Variants in RAPGEF3 observed in about 807,000 individuals in gnomAD.
The protein encoded by RAPGEF3 is 9330170P05Rik.
Under a neutral mutation model 129.8 loss-of-function variants are expected in RAPGEF3, and 103 were observed. That is an observed-to-expected ratio of 0.79 (90% confidence interval 0.68 to 0.93). The LOEUF is 0.93. Ranked by LOEUF, RAPGEF3 falls within the 40% of genes least tolerant of loss-of-function variation. The pLI, the probability that RAPGEF3 is intolerant of heterozygous loss-of-function variation, is 0.00. For missense variants in RAPGEF3, 1,117 were observed against 1,207.4 expected, an observed-to-expected ratio of 0.93 and a Z score of 1.11; for synonymous variants, 436 against 482.6, an observed-to-expected ratio of 0.90 and a Z score of 1.26.
Position 47,747,808 on chromosome 12 carries a change from G to T in RAPGEF3, c.1377C>A (p.Cys459Ter), listed in dbSNP as rs142826491. The change falls in exon 14 of 28, where the codon TGC (cysteine) becomes TGA (stop). Residue 459 changes from cysteine to a stop codon, truncating the protein, a stop_gained. Transcript: ENST00000449771. LOFTEE classifies it high-confidence loss of function. ...GCCGCAAGATCTGCTGCCTCTTGTTGCAGACGTAGGTGCTGCGCTCCTGCT... is the reference window on the plus strand; with the variant it reads ...GCCGCAAGATCTGCTGCCTCTTGTTTCAGACGTAGGTGCTGCGCTCCTGCT... ...GSEQERSTYV[C>*]NKRQQILRLV... 7.5e-6 allele frequency: 12 copies of T among 1,606,986 alleles called. No homozygotes were observed. The highest frequency in any genetic ancestry group is 9.3e-6 in the Non-Finnish European group (11 of 1,179,980).
chr12:47,740,785 C>A lies in RAPGEF3; in HGVS notation c.2088G>T (p.Leu696=), dbSNP rs1941110422. The change falls in exon 21 of 28, where the codon CTG becomes CTT. Residue 696 remains leucine (L), a synonymous_variant. Transcript: ENST00000449771. Reference sequence around the variant, plus strand: ...CCAGGTTGGCGGTGGTGACATCCCGCAGATGCTGGGGGCCCAGCACATAGT... The same window carrying A: ...CCAGGTTGGCGGTGGTGACATCCCGAAGATGCTGGGGGCCCAGCACATAGT... The part of the protein sequence containing the change: ...LIHYVLGPQH[L]RDVTTANLER... The A allele has an allele frequency of 1.2e-6, 2 of 1,613,928 alleles. No individual in the cohort carries two copies. The highest frequency in any genetic ancestry group is 1.7e-6 in the Non-Finnish European group (2 of 1,180,006).
chr12:47,739,639 C>T (rs1338183929), intron 23 of RAPGEF3: 3 of 394,592 alleles, frequency 7.6e-6, no homozygotes, highest in African/African-American at 6.1e-5. Context: ...TGCTTCTCTC[C>T]AGAATAGTCA....
chr12:47,754,714 G>A (rs1363721173), intron 2 of RAPGEF3, among the ~76,000 whole-genome samples: 1 of 152,174 alleles, frequency 6.6e-6, no homozygotes, highest in South Asian at 2.1e-4. Flanking sequence ...ATTATTTCAT[G>A]ATGGGCCCTA....
Position 47,748,912 on chromosome 12 carries a change from A to G in RAPGEF3, c.1061T>C (p.Met354Thr). ...RIIKDVEAKT[M>T]RLEEHGKVVL... ...CACTTTGCCATGTTCTTCCAGCCGC[A>G]TGGTCTTTGCCTCCACATCCTGGAG... The change falls in exon 11 of 28, where the codon ATG becomes ACG. Residue 354 changes from methionine (M) to threonine (T), a missense_variant. Met to Thr is a moderately conservative substitution (Grantham distance 81). Coordinates refer to ENST00000449771, the MANE Select transcript of RAPGEF3 (RefSeq NM_001098531.4). 3 of 1,613,966 alleles carry G rather than the reference A, an allele frequency of 1.9e-6. No individual in the cohort carries two copies. The highest frequency in any genetic ancestry group is 2.5e-6 in the Non-Finnish European group (3 of 1,179,914).
intron 19 of RAPGEF3, 69 bp downstream of exon 19, chr12:47,741,436 C>T (rs1941159530): frequency 3.4e-6 from 5 of 1,459,340 alleles, no homozygotes; most frequent in Non-Finnish European, 3.8e-6. Flanking sequence ...GGACCCTCCC[C>T]AGAATCCACC....
In RAPGEF3 at chr12:47,741,593, C is replaced by T. The variant is rs760119802; in HGVS notation, c.1835G>A (p.Gly612Asp). The T allele has an allele frequency of 1.2e-6, 2 of 1,613,956 alleles. No individual in the cohort carries two copies. The highest frequency in any genetic ancestry group is 4.5e-5 in the East Asian group (2 of 44,898). The stretch of plus-strand genomic sequence containing the variant: ...CACACCACGGGCATCTGGCTGCAGG[C>T]CAATGGCATCTGCAAAGACAGCAGA... ...VKVNSAGDAI[G>D]LQPDARGVAT... Residue 612 changes from glycine to aspartate, a missense_variant, in exon 19 of 28, where the codon GGC becomes GAC. Coordinates refer to ENST00000449771, the MANE Select transcript of RAPGEF3 (RefSeq NM_001098531.4).
chr12:47,753,318 T>C (rs1190554152), intron 2 of RAPGEF3, among the ~76,000 whole-genome samples: 1 of 152,162 alleles, frequency 6.6e-6, no homozygotes, highest in African/African-American at 2.4e-5. Context: ...TCAGTCTCCC[T>C]ACACCCACCC....
In RAPGEF3 at chr12:47,734,875, C is replaced by G. The variant is rs1424100538; in HGVS notation, c.*2692G>C. ...CTGCCTTCCTTTTGTTCGGATGGAGCCTGAGAGAGAGGGGACAGCTGGCTC... is the reference window on the plus strand; with the variant it reads ...CTGCCTTCCTTTTGTTCGGATGGAGGCTGAGAGAGAGGGGACAGCTGGCTC... On this transcript the variant is annotated 3_prime_UTR_variant, in exon 28 of 28. Transcript: ENST00000449771. 1.3e-5 allele frequency: 2 copies of G among 152,246 alleles called. No homozygotes were observed. Among genetic ancestry groups the G allele is most frequent in the Non-Finnish European group, 2.9e-5 (2 of 68,086 alleles). 9.4% of individuals were successfully genotyped at this position (152,246 alleles called of 1,614,324 possible). A position where few individuals can be genotyped will look rare whatever the true frequency, so the allele number is the denominator to read the frequency against.
At chr12:47,738,589 C>T (rs1940942369) in intron 25 of RAPGEF3, 101 bp downstream of exon 25, 3 of 1,035,212 alleles carry the variant, frequency 2.9e-6, no homozygotes, top group Non-Finnish European at 3.0e-6. Context: ...TCATATTATT[C>T]ATAACAAGTT....
chr12:47,746,935 G>A, intron 15 of RAPGEF3, 36 bp from the exon 16 acceptor site: 1 of 1,590,350 alleles, frequency 6.3e-7, no homozygotes, highest in Non-Finnish European at 8.6e-7. Context: ...AGTGAGCCCA[G>A]GTATCCCTGG....
intron 2 of RAPGEF3, 42 bp downstream of exon 2, chr12:47,757,824 C>T (rs1461275119): frequency 3.2e-5 from 48 of 1,520,588 alleles, no homozygotes; most frequent in Non-Finnish European, 4.2e-5. Flanking sequence ...CCCTCTAGCT[C>T]TGGTACTGGC....
In RAPGEF3 at chr12:47,735,256, CCTT is replaced by C. The variant is rs753446582; in HGVS notation, c.*2308_*2310del. ...CCATGAGCCCCTCCTCCCTTTGTGG[CCTT>C]CTTGCAGCTGAGACACAAAATGGGA... On this transcript the variant is annotated 3_prime_UTR_variant, in exon 28 of 28. Transcript: ENST00000449771. 8.3e-4 allele frequency: 127 copies of C among 152,454 alleles called. No homozygotes were observed. The highest frequency in any genetic ancestry group is 3.4e-4 in the Non-Finnish European group (23 of 68,136). The allele number at this position is 152,454 out of a possible 1,614,324, so 9.4% of individuals were successfully genotyped here.
rs201883256 is a variant in RAPGEF3 at position 47,758,028 on chromosome 12, A to C, written c.57T>G (p.Asp19Glu). The change falls in exon 2 of 28, where the codon GAT becomes GAG. Residue 19 changes from aspartate (D) to glutamate (E), a missense_variant. Around this residue, in one of 3 missense-constraint regions of RAPGEF3, gnomAD observed 367 missense variants for 373.4 expected, o/e 0.98. Transcript: ENST00000449771. Reference sequence around the variant, plus strand: ...CCCGCGGTGCTCCCAGAGCTGGGCTATCCTCCACAGCCAGGCCCACCTGCC... The same window carrying C: ...CCCGCGGTGCTCCCAGAGCTGGGCTCTCCTCCACAGCCAGGCCCACCTGCC... Reference protein sequence around the residue: ...SCWQVGLAVEDSPALGAPRVG... With the variant: ...SCWQVGLAVEESPALGAPRVG... The C allele has an allele frequency of 6.3e-7, 1 of 1,576,910 alleles. No individual in the cohort carries two copies. The highest frequency in any genetic ancestry group is 8.6e-7 in the Non-Finnish European group (1 of 1,161,326).
In RAPGEF3 at chr12:47,749,828, C is replaced by G; in HGVS notation, c.818-11G>C. 1 of 1,614,218 alleles carries G rather than the reference C, an allele frequency of 6.2e-7. No individual in the cohort carries two copies. The highest frequency in any genetic ancestry group is 8.5e-7 in the Non-Finnish European group (1 of 1,180,018). ...CCCCCTGGCTGAACACTGACAGAAG[C>G]ATACCTCAGACCGGGCCCTCCTGGC... On this transcript the variant is annotated splice_polypyrimidine_tract_variant and intron_variant, in intron 8 of 27. Coordinates refer to ENST00000449771, the MANE Select transcript of RAPGEF3 (RefSeq NM_001098531.4). This position sits in a 1 kb window ranked among gnomAD's most constrained non-coding sequence, Gnocchi z 4.5.
At position 47,749,075 on chromosome 12, in the gene RAPGEF3, A is replaced by C. The variant is rs1592560139; in HGVS notation, c.1042-144T>G. The stretch of plus-strand genomic sequence containing the variant: ...TTCTCCCACCTCCGACTTTGGCTCC[A>C]CCTCCTCAGCCTTCCCTACCTTCCA... On this transcript the variant is annotated intron_variant, in intron 10 of 27. Transcript: ENST00000449771. This position sits in a 1 kb window ranked among gnomAD's most constrained non-coding sequence, Gnocchi z 4.5. The C allele has an allele frequency of 1.4e-6, 1 of 706,516 alleles. No individual in the cohort carries two copies. Among genetic ancestry groups the C allele is most frequent in the Non-Finnish European group, 2.4e-6 (1 of 416,734 alleles). 43.8% of individuals were successfully genotyped at this position (706,516 alleles called of 1,614,324 possible). A position where few individuals can be genotyped will look rare whatever the true frequency, so the allele number is the denominator to read the frequency against.
intron 18 of RAPGEF3, 127 bp downstream of exon 18, chr12:47,743,403 G>T: frequency 7.9e-7 from 1 of 1,268,574 alleles, no homozygotes; most frequent in Non-Finnish European, 1.1e-6. Flanking sequence ...TCCCATTAAT[G>T]CTAGCCATCA....
intron 2 of RAPGEF3, among the ~76,000 whole-genome samples, chr12:47,757,626 TC>T (rs879471161): frequency 2.0e-5 from 3 of 151,508 alleles, no homozygotes; most frequent in Non-Finnish European, 4.4e-5. Context: ...CCTTTCCCCT[TC>T]CCCCCATGCC....
chr12:47,750,808 C>A (rs1259210420), intron 6 of RAPGEF3, among the ~76,000 whole-genome samples: 1 of 152,154 alleles, frequency 6.6e-6, no homozygotes, highest in East Asian at 1.9e-4. Context: ...CCTCAGAGAT[C>A]CCCCTGGTCC....
rs765617530 is a variant in RAPGEF3, at chr12:47,747,770, C to T, written c.1415G>A (p.Trp472Ter). 2 of 1,608,652 alleles carry T rather than the reference C, an allele frequency of 1.2e-6. No individual in the cohort carries two copies. The highest frequency in any genetic ancestry group is 2.7e-5 in the African/African-American group (2 of 74,952). The change falls in exon 14 of 28, where the codon TGG becomes TAG. Residue 472 changes from tryptophan (W) to a stop codon, truncating the protein, a stop_gained. Transcript: ENST00000449771. LOFTEE classifies it high-confidence loss of function. ...GAGCATGGAGCCATACAGGGCCACCCACTGGCTGACCAGCCGCAAGATCTG... is the reference window on the plus strand; with the variant it reads ...GAGCATGGAGCCATACAGGGCCACCTACTGGCTGACCAGCCGCAAGATCTG... ...RQQILRLVSQ[W>*]VALYGSMLHT...
Sources: allele counts gnomAD v4.1 joint callset (sites outside exome capture counted in the v4.1 genomes callset), GRCh38; gene constraint gnomAD v4.1.1; regional missense constraint gnomAD v4.1.1; non-coding constraint Gnocchi (gnomAD v3.1); transcripts MANE v1.5; gene names NCBI Gene and HGNC (gene_info 2026-07-23, HGNC 2026-07-21).